Variants in RBFOX1 observed in about 807,000 individuals in gnomAD.
RBFOX1 encodes RNA binding fox-1 homolog 1.
RBFOX1 carries 8 observed loss-of-function variants against 57.7 expected under a neutral mutation model. The observed-to-expected ratio is 0.14, with a 90% CI of 0.08 to 0.25. The LOEUF (loss-of-function observed/expected upper bound fraction) is 0.25. RBFOX1 is among the 10% of genes least tolerant of loss of function. The pLI, the probability that RBFOX1 is intolerant of heterozygous loss-of-function variation, is 1.00. For missense variants in RBFOX1, 611 were observed against 548.5 expected, an observed-to-expected ratio of 1.11 and a Z score of -1.14; for synonymous variants, 326 against 222.4, an observed-to-expected ratio of 1.47 and a Z score of -4.15.
At chr16:7,032,044 T>G (rs7196887) in intron 3 of RBFOX1, among the ~76,000 whole-genome samples, 2 of 152,044 alleles carry the variant, frequency 1.3e-5, no homozygotes, top group East Asian at 1.9e-4. Flanking sequence ...TTCTCCTTTG[T>G]ATTTAGTGGC....
intron 3 of RBFOX1, among the ~76,000 whole-genome samples, chr16:6,962,193 G>T (rs1055939761): frequency 6.6e-6 from 1 of 152,122 alleles, no homozygotes; most frequent in African/African-American, 2.4e-5. Flanking sequence ...ATGGCAGAAT[G>T]ACTCCAACTC....
chr16:6,759,769 A>T (rs1002931400), intron 3 of RBFOX1, among the ~76,000 whole-genome samples: 3 of 152,200 alleles, frequency 2.0e-5, no homozygotes, highest in African/African-American at 7.2e-5. Flanking sequence ...TGCTAAAGAA[A>T]TAATAAGGAA....
chr16:7,250,034 G>T (rs1036868583), intron 4 of RBFOX1, among the ~76,000 whole-genome samples: 1 of 152,066 alleles, frequency 6.6e-6, no homozygotes, highest in Non-Finnish European at 1.5e-5. Flanking sequence ...TATTTGTTTT[G>T]CACGTATTTG....
At chr16:7,307,090 G>C (rs2096207392) in intron 4 of RBFOX1, among the ~76,000 whole-genome samples, 1 of 152,138 alleles carries the variant, frequency 6.6e-6, no homozygotes, top group Admixed American at 6.5e-5. Flanking sequence ...ACATAATTCA[G>C]AAGTCTTTGT....
At chr16:5,706,847 T>C (rs1478411894) in intron 3 of RBFOX1, among the ~76,000 whole-genome samples, 1 of 150,678 alleles carries the variant, frequency 6.6e-6, no homozygotes, top group Non-Finnish European at 1.5e-5. Context: ...AGGGCATGGC[T>C]TTTTTTTTGG....
intron 4 of RBFOX1, among the ~76,000 whole-genome samples, chr16:7,285,726 T>A (rs1170166036): frequency 1.3e-5 from 2 of 152,208 alleles, no homozygotes; most frequent in African/African-American, 4.8e-5. Context: ...TTCCTTTTCA[T>A]TGCTGTGTAG....
At chr16:5,745,425 C>T (rs2052939742) in intron 3 of RBFOX1, among the ~76,000 whole-genome samples, 1 of 152,170 alleles carries the variant, frequency 6.6e-6, no homozygotes, top group Non-Finnish European at 1.5e-5. Flanking sequence ...GTCTTTATAG[C>T]AGCATGATTT....
chr16:6,123,126 T>G (rs2096564083), intron 1 of RBFOX1, among the ~76,000 whole-genome samples: 2 of 152,192 alleles, frequency 1.3e-5, no homozygotes, highest in Non-Finnish European at 2.9e-5. Flanking sequence ...AAAATTGCCT[T>G]ATGATGCAGC....
Position 5,999,896 on chromosome 16 carries a change from AAAAAAAAAAAAG to A in RBFOX1, c.351+132563_351+132574del, listed in dbSNP as rs1228021949. On this transcript the variant is annotated intron_variant, in intron 4 of 19. Transcript: ENST00000641259. The stretch of plus-strand genomic sequence containing the variant: ...AAAAAAAAAAAAAAAAAAAAAAAAA[AAAAAAAAAAAAG>A]AGTGAAGAAGGGAAATCAGACAAGG... Among the ~76,000 whole-genome samples the A allele has an allele frequency of 2.5e-3, 186 of 73,240 alleles. 24 individuals are homozygous for A. Among genetic ancestry groups the A allele is most frequent in the African/African-American group, 4.1e-3 (79 of 19,270 alleles). The allele number at this position is 73,240 out of a possible 152,430, so 48.0% of individuals were successfully genotyped here. A position where few individuals can be genotyped will look rare whatever the true frequency, so the allele number is the denominator to read the frequency against.
At chr16:6,138,241 C>G (rs1337953660) in intron 1 of RBFOX1, among the ~76,000 whole-genome samples, 5 of 152,228 alleles carry the variant, frequency 3.3e-5, no homozygotes, top group Non-Finnish European at 7.3e-5. Flanking sequence ...GTTTGATGTT[C>G]TGCTGTTGCC....
intron 10 of RBFOX1, among the ~76,000 whole-genome samples, chr16:7,629,656 T>A (rs926098059): frequency 3.9e-5 from 6 of 152,228 alleles, no homozygotes; most frequent in African/African-American, 1.4e-4. Context: ...TGACAATTCC[T>A]GACCCCAGTC....
chr16:7,061,121 G>A (rs2054129728), intron 4 of RBFOX1, among the ~76,000 whole-genome samples: 2 of 152,136 alleles, frequency 1.3e-5, no homozygotes, highest in African/African-American at 4.8e-5. Flanking sequence ...TCCCAACTTT[G>A]TGATTTTCTC....
At chr16:6,675,456 A>G (rs1050713763) in intron 3 of RBFOX1, among the ~76,000 whole-genome samples, 1 of 152,080 alleles carries the variant, frequency 6.6e-6, no homozygotes, top group Non-Finnish European at 1.5e-5. Context: ...CAAGACTTGC[A>G]TTTGACAAAT....
intron 3 of RBFOX1, among the ~76,000 whole-genome samples, chr16:6,852,019 G>T (rs1023377445): frequency 2.0e-5 from 3 of 149,742 alleles, no homozygotes; most frequent in African/African-American, 7.4e-5. Context: ...TCCATCTCCC[G>T]GGTTCATGCC....
intron 4 of RBFOX1, among the ~76,000 whole-genome samples, chr16:7,252,597 T>A (rs927438019): frequency 1.3e-5 from 2 of 152,260 alleles, no homozygotes; most frequent in Non-Finnish European, 2.9e-5. Flanking sequence ...CTTTGGTAGT[T>A]GTTAAATGTT....
At chr16:5,435,912 G>A (rs538719142) in intron 1 of RBFOX1, among the ~76,000 whole-genome samples, 20 of 152,302 alleles carry the variant, frequency 1.3e-4, no homozygotes, top group African/African-American at 1.7e-4. Flanking sequence ...TGAACAACCC[G>A]ATTGCTTAAA....
chr16:6,585,263 C>T (rs1458733126), intron 2 of RBFOX1, among the ~76,000 whole-genome samples: 3 of 152,152 alleles, frequency 2.0e-5, no homozygotes, highest in East Asian at 1.9e-4. Flanking sequence ...AAACCTTTAT[C>T]GTCATGTAGG....
chr16:7,335,687 G>A (rs963360752), intron 4 of RBFOX1, among the ~76,000 whole-genome samples: 2 of 151,954 alleles, frequency 1.3e-5, no homozygotes, highest in African/African-American at 4.8e-5. Flanking sequence ...AGTGGATGGA[G>A]GTATTTACTG....
At chr16:6,360,544 T>G (rs543520538) in intron 2 of RBFOX1, among the ~76,000 whole-genome samples, 1 of 152,302 alleles carries the variant, frequency 6.6e-6, no homozygotes, top group African/African-American at 2.4e-5. Flanking sequence ...TACTCCTCTG[T>G]TTTATAGAAA....
Sources: gnomAD v4.1 joint callset for allele counts (sites outside exome capture counted in the v4.1 genomes callset) on GRCh38, gnomAD v4.1.1 for gene constraint, MANE v1.5 for transcripts, NCBI Gene and HGNC (gene_info 2026-07-23, HGNC 2026-07-21) for gene names.